Variants in WIPF1 observed in about 807,000 individuals in gnomAD.
WIPF1 encodes the protein WAS/WASL-interacting protein family member 1.
WIPF1 carries 13 observed loss-of-function variants against 35.4 expected under a neutral mutation model. The ratio of observed to expected loss-of-function variants is 0.37; its 90% confidence interval spans 0.24 to 0.58. The LOEUF (loss-of-function observed/expected upper bound fraction) is 0.58. Ranked by LOEUF, WIPF1 falls within the 20% of genes least tolerant of loss-of-function variation. The pLI, the probability that WIPF1 is intolerant of heterozygous loss-of-function variation, is 0.74. For synonymous variants in WIPF1, 267 were observed against 266.3 expected, an observed-to-expected ratio of 1.00 and a Z score of -0.02; for missense variants, 591 against 667.0, an observed-to-expected ratio of 0.89 and a Z score of 1.25.
rs147080148 is a variant in WIPF1 at position 174,571,827 on chromosome 2, G to A, written c.978C>T (p.Ser326=). The change falls in exon 5 of 8, where the codon AGC becomes AGT. Residue 326 remains serine, a synonymous_variant. Transcript: ENST00000679041. This position sits in a 1 kb window ranked among gnomAD's most constrained non-coding sequence, Gnocchi z 4.6. ...PGPPPLPPSS[S]GNDETPRLPQ... is the part of the protein sequence containing the mutation. ...GGAGTCTTGGGGTTTCGTCATTGCCGCTGGAACTTGGAGGCAGAGGAGGCG... is the reference window on the plus strand; with the variant it reads ...GGAGTCTTGGGGTTTCGTCATTGCCACTGGAACTTGGAGGCAGAGGAGGCG... 8 of 1,614,072 alleles carry A rather than the reference G, an allele frequency of 5.0e-6. No homozygotes were observed. Among genetic ancestry groups the A allele is most frequent in the African/African-American group, 1.3e-5 (1 of 74,946 alleles).
chr2:174,630,113 A>G (rs1211198736), intron 1 of WIPF1, among the ~76,000 whole-genome samples: 2 of 152,166 alleles, frequency 1.3e-5, no homozygotes, highest in Non-Finnish European at 2.9e-5. Context: ...ACATACACAC[A>G]CGTATATTTG....
At chr2:174,607,352 G>A (rs1437599433) in intron 1 of WIPF1, among the ~76,000 whole-genome samples, 2 of 151,950 alleles carry the variant, frequency 1.3e-5, no homozygotes, top group Admixed American at 6.6e-5. Context: ...GCAGTGAGCC[G>A]AGATCGCACC....
At chr2:174,659,489 T>G (rs545170649) in intron 1 of WIPF1, among the ~76,000 whole-genome samples, 2 of 152,260 alleles carry the variant, frequency 1.3e-5, no homozygotes, top group South Asian at 4.1e-4. Flanking sequence ...GGTATACGAG[T>G]GCTCAACTCA....
rs9287978 is a variant in WIPF1, at chr2:174,560,401, C to T, written c.*2146G>A. On this transcript the variant is annotated 3_prime_UTR_variant, in exon 8 of 8. Coordinates refer to ENST00000679041, the MANE Select transcript of WIPF1 (RefSeq NM_001375834.1). ...TTACTACCCCTTATAAAATTCAGAC[C>T]CACTTTCTCTGAGTCAGACTTTTCT... is the stretch of plus-strand genomic sequence containing the variant. The T allele has an allele frequency of 0.97, 148,427 of 152,696 alleles. 72,275 individuals are homozygous for T. Among genetic ancestry groups the T allele is most frequent in the Non-Finnish European group, 1 (67,909 of 68,020 alleles). The allele number at this position is 152,696 out of a possible 1,614,324, so 9.5% of individuals were successfully genotyped here. A position where few individuals can be genotyped will look rare whatever the true frequency, so the allele number is the denominator to read the frequency against.
intron 1 of WIPF1, among the ~76,000 whole-genome samples, chr2:174,634,002 A>T (rs1256768629): frequency 6.6e-6 from 1 of 152,238 alleles, no homozygotes; most frequent in East Asian, 1.9e-4. Context: ...AGAATTTATA[A>T]TGACATACTA....
intron 1 of WIPF1, among the ~76,000 whole-genome samples, chr2:174,662,779 T>C (rs1033748062): frequency 2.0e-5 from 3 of 152,214 alleles, no homozygotes. Context: ...ATGTGGTCCC[T>C]GCTAAGAGTC....
intron 1 of WIPF1, among the ~76,000 whole-genome samples, chr2:174,642,851 G>A (rs374446099): frequency 6.7e-6 from 1 of 149,240 alleles, no homozygotes; most frequent in Admixed American, 6.6e-5. Flanking sequence ...TCCCCACTTT[G>A]TTTTGCTTTA....
intron 1 of WIPF1, among the ~76,000 whole-genome samples, chr2:174,588,225 C>T (rs1685487276): frequency 1.3e-5 from 2 of 152,310 alleles, no homozygotes; most frequent in African/African-American, 4.8e-5. Context: ...CTGGTCTGCC[C>T]GGTGGGCCCA....
intron 1 of WIPF1, among the ~76,000 whole-genome samples, chr2:174,596,908 G>A (rs1685838938): frequency 6.6e-6 from 1 of 152,062 alleles, no homozygotes; most frequent in African/African-American, 2.4e-5. Flanking sequence ...CCTTAGTTCT[G>A]CTCTATAAGC....
At chr2:174,672,791 G>C (rs1259367701) in intron 1 of WIPF1, among the ~76,000 whole-genome samples, 3 of 152,178 alleles carry the variant, frequency 2.0e-5, no homozygotes, top group Admixed American at 1.3e-4. Flanking sequence ...GTCAAGCCCA[G>C]CTTGACTACT....
chr2:174,652,805 A>C (rs1315426135), intron 1 of WIPF1, among the ~76,000 whole-genome samples: 2 of 151,866 alleles, frequency 1.3e-5, no homozygotes, highest in African/African-American at 2.4e-5. Context: ...AAAAAAAAAA[A>C]AACAAAAAAA....
intron 6 of WIPF1, 91 bp from the exon 7 acceptor site, chr2:174,567,274 A>G: frequency 1.9e-6 from 2 of 1,072,004 alleles, no homozygotes; most frequent in South Asian, 2.9e-5. Flanking sequence ...GAGAGAGAGA[A>G]CCACAGACAT....
intron 1 of WIPF1, among the ~76,000 whole-genome samples, chr2:174,613,287 T>C (rs1350612981): frequency 6.6e-6 from 1 of 152,260 alleles, no homozygotes; most frequent in Non-Finnish European, 1.5e-5. Flanking sequence ...TTCTCTCATT[T>C]TTACCATTTT....
At chr2:174,600,912 CTTTTTTTTTTTTTT>C (rs1157973597), upstream of WIPF1, among the ~76,000 whole-genome samples, 5 of 65,436 alleles carry the variant, frequency 7.6e-5, no homozygotes, top group East Asian at 4.5e-4. Context: ...CATAATGTTC[CTTTTTTTTTTTTTT>C]TTTTTTTTTT....
chr2:174,677,507 C>T (rs891243691), intron 1 of WIPF1, among the ~76,000 whole-genome samples: 1 of 152,096 alleles, frequency 6.6e-6, no homozygotes, highest in Non-Finnish European at 1.5e-5. Flanking sequence ...AGAACAATAG[C>T]GATGGAAACT....
chr2:174,595,103 AAAAAAAATATATATAT>A (rs1685756537), intron 1 of WIPF1, among the ~76,000 whole-genome samples: 1 of 41,284 alleles, frequency 2.4e-5, no homozygotes, highest in African/African-American at 8.3e-5. Flanking sequence ...AAAAAAAAAA[AAAAAAAATATATATAT>A]ATATATATAT....
At chr2:174,671,787 A>C (rs1688024522) in intron 1 of WIPF1, among the ~76,000 whole-genome samples, 1 of 151,040 alleles carries the variant, frequency 6.6e-6, no homozygotes, top group African/African-American at 2.5e-5. Flanking sequence ...TAGCCTAGTA[A>C]ATTTTAGTCA....
At chr2:174,588,272 G>C (rs1291270901) in intron 1 of WIPF1, among the ~76,000 whole-genome samples, 1 of 152,164 alleles carries the variant, frequency 6.6e-6, no homozygotes, top group Non-Finnish European at 1.5e-5. Context: ...CCACGTGCTT[G>C]GTTGATGAAA....
chr2:174,673,002 C>T (rs1044106922), intron 1 of WIPF1, among the ~76,000 whole-genome samples: 20 of 152,166 alleles, frequency 1.3e-4, no homozygotes, highest in African/African-American at 4.8e-4. Flanking sequence ...ACATCCCAAA[C>T]CAGGGACAGT....
Sources: allele counts gnomAD v4.1 joint callset (sites outside exome capture counted in the v4.1 genomes callset), GRCh38; gene constraint gnomAD v4.1.1; non-coding constraint Gnocchi (gnomAD v3.1); transcripts MANE v1.5; gene names NCBI Gene and HGNC (gene_info 2026-07-23, HGNC 2026-07-21).